Variants in BABAM2 observed in about 807,000 individuals in gnomAD.
BABAM2 encodes BRISC and BRCA1-A complex member 2.
In BABAM2, 31 loss-of-function variants were observed where a neutral mutation model predicts 54.7. The observed-to-expected ratio is 0.57, with a 90% CI of 0.43 to 0.77. The LOEUF is 0.77. BABAM2 is among the 30% of genes least tolerant of loss of function. BABAM2 has a pLI of 0.00. For synonymous variants in BABAM2, 167 were observed against 162.9 expected, an observed-to-expected ratio of 1.03 and a Z score of -0.19; for missense variants, 364 against 455.8, an observed-to-expected ratio of 0.80 and a Z score of 1.83.
At chr2:27,982,787 T>C (rs1231806703) in intron 3 of BABAM2, among the ~76,000 whole-genome samples, 1 of 151,912 alleles carries the variant, frequency 6.6e-6, no homozygotes, top group Admixed American at 6.6e-5. Context: ...TTCATTCATG[T>C]TGTAGCATGT....
At chr2:28,062,990 T>A (rs1205572067) in intron 6 of BABAM2, among the ~76,000 whole-genome samples, 1 of 152,216 alleles carries the variant, frequency 6.6e-6, no homozygotes, top group Non-Finnish European at 1.5e-5. Flanking sequence ...CTTTTCCCCT[T>A]CTTCTTGTAG....
chr2:28,165,770 A>G (rs1235275487), intron 7 of BABAM2, among the ~76,000 whole-genome samples: 1 of 151,934 alleles, frequency 6.6e-6, no homozygotes, highest in Non-Finnish European at 1.5e-5. Flanking sequence ...CCTGGCCTCA[A>G]AGTGATCCAC....
At chr2:28,214,649 T>A (rs987049632) in intron 7 of BABAM2, among the ~76,000 whole-genome samples, 2 of 152,166 alleles carry the variant, frequency 1.3e-5, no homozygotes, top group Admixed American at 1.3e-4. Flanking sequence ...AGCAGACAAT[T>A]CTTGCCTTGT....
At chr2:27,985,404 G>T (rs1229607764) in intron 3 of BABAM2, among the ~76,000 whole-genome samples, 1 of 151,804 alleles carries the variant, frequency 6.6e-6, no homozygotes, top group East Asian at 1.9e-4. Context: ...ATATTTTTTT[G>T]ATTATGGCCA....
intron 10 of BABAM2, among the ~76,000 whole-genome samples, chr2:28,248,207 C>CTTTTTCTTTCTTTTTTT (rs1553349503): frequency 2.4e-4 from 13 of 54,314 alleles, no homozygotes; most frequent in African/African-American, 7.3e-4. Context: ...TTTTCTTTTT[C>CTTTTTCTTTCTTTTTTT]TTTTTTTTTT....
At position 28,017,584 on chromosome 2, in the gene BABAM2, C is replaced by A. The variant is rs577327866; in HGVS notation, c.301-7642C>A. 5.9e-5 allele frequency among the ~76,000 whole-genome samples: 9 copies of A among 152,238 alleles called. No homozygotes were observed. The South Asian group carries it at 1.9e-3, about 32-fold the overall frequency. On this transcript the variant is annotated intron_variant, in intron 4 of 11. Transcript: ENST00000379624. ...TAAAATTCAGTTGTTTCAGTATATC[C>A]ACAGAGTCGTGCAGTCATCAATTAC...
intron 3 of BABAM2, among the ~76,000 whole-genome samples, chr2:27,947,313 A>AT (rs1176091979): frequency 2.6e-5 from 4 of 151,508 alleles, no homozygotes; most frequent in South Asian, 2.1e-4. Context: ...TCATTGTTTG[A>AT]TTTTTTTCCC....
chr2:28,319,577 C>A (rs10168808), intron 11 of BABAM2, among the ~76,000 whole-genome samples: 2,073 of 152,328 alleles, frequency 0.014, 56 homozygotes, highest in African/African-American at 0.046. Context: ...GAGGACACAG[C>A]GGACTAGGCT....
chr2:28,238,269 A>G (rs1174899623), intron 8 of BABAM2, among the ~76,000 whole-genome samples: 2 of 152,246 alleles, frequency 1.3e-5, no homozygotes, highest in African/African-American at 2.4e-5. Flanking sequence ...CAAAAAGTGT[A>G]AGAATATACT....
intron 7 of BABAM2, among the ~76,000 whole-genome samples, chr2:28,137,923 A>G (rs1021069051): frequency 2.0e-5 from 3 of 152,168 alleles, no homozygotes; most frequent in Non-Finnish European, 4.4e-5. Flanking sequence ...AAGCTATAAG[A>G]TATACTATAT....
chr2:28,098,357 T>A (rs1310731038), intron 6 of BABAM2, among the ~76,000 whole-genome samples: 1 of 152,230 alleles, frequency 6.6e-6, no homozygotes, highest in Non-Finnish European at 1.5e-5. Context: ...CCATAGTATA[T>A]AGGCTTGTAG....
At chr2:28,151,387 A>C (rs901155731) in intron 7 of BABAM2, among the ~76,000 whole-genome samples, 1 of 152,120 alleles carries the variant, frequency 6.6e-6, no homozygotes, top group African/African-American at 2.4e-5. Flanking sequence ...AGCCTGACCA[A>C]CATGCAACCC....
chr2:27,888,745 A>C (rs1472899778), upstream of BABAM2, among the ~76,000 whole-genome samples: 2 of 151,682 alleles, frequency 1.3e-5, no homozygotes, highest in Non-Finnish European at 2.9e-5. Context: ...TGTTCTTGTA[A>C]GGCTTGGGAG....
At chr2:28,051,591 G>C (rs561027689) in intron 6 of BABAM2, among the ~76,000 whole-genome samples, 1 of 151,948 alleles carries the variant, frequency 6.6e-6, no homozygotes, top group South Asian at 2.1e-4. Context: ...GAATCCAATG[G>C]AAGAGAATTG....
intron 7 of BABAM2, among the ~76,000 whole-genome samples, chr2:28,185,145 T>G (rs77077526): frequency 6.6e-6 from 1 of 152,202 alleles, no homozygotes; most frequent in Admixed American, 6.5e-5. Flanking sequence ...CATAAGATGC[T>G]TGTCAGCTAA....
rs1363757796 is a variant in BABAM2 at position 28,329,270 on chromosome 2, C to T, written c.1089-9180C>T. ...ACAAAACTGTCTATGGCACTTTTTG[C>T]TCGGGGCTCTGCAGCGTTCACTAAC... On this transcript the variant is annotated intron_variant, in intron 11 of 11. Transcript: ENST00000379624. The surrounding 1 kb of genome is among the most constrained non-coding windows in gnomAD (Gnocchi z 4.2). Among the ~76,000 whole-genome samples the T allele has an allele frequency of 6.6e-6, 1 of 152,182 alleles. No homozygotes were observed. Among genetic ancestry groups the T allele is most frequent in the African/African-American group, 2.4e-5 (1 of 41,448 alleles).
At chr2:28,233,002 G>A (rs981894823) in intron 7 of BABAM2, 5 of 301,760 alleles carry the variant, frequency 1.7e-5, no homozygotes, top group African/African-American at 1.1e-4. Flanking sequence ...TAAAACTCTG[G>A]CCTCATCCTT....
chr2:28,233,912 GGAGAT>G (rs1205054295), intron 7 of BABAM2, among the ~76,000 whole-genome samples: 1 of 152,134 alleles, frequency 6.6e-6, no homozygotes, highest in East Asian at 1.9e-4. Context: ...AATTGTAAAC[GGAGAT>G]GAGCCGTACA....
At chr2:28,026,906 A>T (rs7570611) in intron 5 of BABAM2, among the ~76,000 whole-genome samples, 852 of 27,590 alleles carry the variant, frequency 0.031, 26 homozygotes, top group South Asian at 0.12. Flanking sequence ...AAATATATAT[A>T]AATATATATT....
Sources: allele counts gnomAD v4.1 joint callset (sites outside exome capture counted in the v4.1 genomes callset), GRCh38; gene constraint gnomAD v4.1.1; non-coding constraint Gnocchi (gnomAD v3.1); transcripts MANE v1.5; gene names NCBI Gene and HGNC (gene_info 2026-07-23, HGNC 2026-07-21).